HMBOX1: variants seen among roughly 807,000 people sequenced by gnomAD.
The protein encoded by HMBOX1 is homeobox-containing protein 1.
A neutral mutation model predicts 54.5 loss-of-function variants in HMBOX1; 14 were observed. The observed-to-expected ratio is 0.26, with a 90% CI of 0.17 to 0.40. The LOEUF is 0.40. Ranked by LOEUF, HMBOX1 falls within the 10% of genes least tolerant of loss-of-function variation. HMBOX1 has a pLI of 1.00. For missense variants in HMBOX1, 332 were observed against 514.4 expected (o/e 0.65, Z 3.43); for synonymous variants, 160 against 181.0 (o/e 0.88, Z 0.93).
At chr8:28,913,961 C>T (rs1186964682) in intron 1 of HMBOX1, among the ~76,000 whole-genome samples, 1 of 151,334 alleles carries the variant, frequency 6.6e-6, no homozygotes, top group South Asian at 2.1e-4. Flanking sequence ...ACCTGCATCT[C>T]CCAAATTCAA....
At chr8:29,049,388 C>G in intron 9 of HMBOX1, 1 of 1,533,702 alleles carries the variant, frequency 6.5e-7, no homozygotes. Context: ...GGATCTGATC[C>G]AAACAAGCAA....
intron 5 of HMBOX1, among the ~76,000 whole-genome samples, chr8:29,015,731 A>G (rs1834899293): frequency 6.6e-6 from 1 of 152,226 alleles, no homozygotes; most frequent in South Asian, 2.1e-4. Flanking sequence ...TAGAGCAGAA[A>G]TGTTTTTAAA....
At chr8:29,028,759 C>G (rs1470704005) in intron 6 of HMBOX1, among the ~76,000 whole-genome samples, 1 of 152,174 alleles carries the variant, frequency 6.6e-6, no homozygotes, top group African/African-American at 2.4e-5. Context: ...GTAATACTTT[C>G]ATATGTGTAA....
At chr8:28,899,982 G>A (rs1244064196) in intron 1 of HMBOX1, among the ~76,000 whole-genome samples, 1 of 151,992 alleles carries the variant, frequency 6.6e-6, no homozygotes, top group Non-Finnish European at 1.5e-5. Context: ...TGGGCGCAGT[G>A]GCTCACACCT....
intron 3 of HMBOX1, among the ~76,000 whole-genome samples, chr8:28,971,459 G>A (rs1385805506): frequency 2.6e-5 from 4 of 152,120 alleles, no homozygotes; most frequent in African/African-American, 4.8e-5. Flanking sequence ...ACACTTTGAG[G>A]GTAACAGCAT....
At chr8:29,007,497 C>A (rs1052321729) in intron 4 of HMBOX1, among the ~76,000 whole-genome samples, 3 of 151,908 alleles carry the variant, frequency 2.0e-5, no homozygotes, top group Non-Finnish European at 2.9e-5. Context: ...GTTTGGAAAG[C>A]TGTTTGAATT....
intron 2 of HMBOX1, among the ~76,000 whole-genome samples, chr8:28,967,535 A>G (rs1023211953): frequency 6.6e-6 from 1 of 152,238 alleles, no homozygotes; most frequent in African/African-American, 2.4e-5. Flanking sequence ...CTGTATATAG[A>G]TAACTAACTG....
chr8:28,979,056 A>G lies in HMBOX1; in HGVS notation c.501-1015A>G, dbSNP rs576478872. On this transcript the variant is annotated intron_variant, in intron 3 of 9. Coordinates refer to ENST00000287701, the MANE Select transcript of HMBOX1 (RefSeq NM_001135726.3). The stretch of plus-strand genomic sequence containing the variant: ...ATGATCCTTAGCTCATAGGTTGTAT[A>G]AAAATAGGTGGCAGGCTAGAATTAG... 1.4e-4 allele frequency among the ~76,000 whole-genome samples: 21 copies of G among 152,328 alleles called. No homozygotes were observed. The South Asian group carries it at 4.3e-3, about 32-fold the overall frequency.
At chr8:29,037,432 A>G (rs1218579057) in intron 6 of HMBOX1, among the ~76,000 whole-genome samples, 1 of 152,200 alleles carries the variant, frequency 6.6e-6, no homozygotes, top group African/African-American at 2.4e-5. Flanking sequence ...TCCAAATTAT[A>G]AAATTAGCAC....
intron 5 of HMBOX1, among the ~76,000 whole-genome samples, chr8:29,017,026 C>T (rs1001042593): frequency 3.3e-5 from 5 of 152,308 alleles, no homozygotes; most frequent in Non-Finnish European, 5.9e-5. Context: ...GACTGAATGT[C>T]TGAGGCCTTG....
At chr8:28,949,275 C>T (rs2132104940) in intron 1 of HMBOX1, among the ~76,000 whole-genome samples, 1 of 152,194 alleles carries the variant, frequency 6.6e-6, no homozygotes, top group Non-Finnish European at 1.5e-5. Context: ...GATCTGGATT[C>T]TCAGTCTGGT....
At chr8:29,002,903 T>A (rs574892236) in intron 4 of HMBOX1, among the ~76,000 whole-genome samples, 1 of 152,280 alleles carries the variant, frequency 6.6e-6, no homozygotes, top group East Asian at 1.9e-4. Context: ...AAAATTCGCT[T>A]TTCTCTTAAT....
intron 6 of HMBOX1, among the ~76,000 whole-genome samples, chr8:29,034,041 T>G (rs1420469031): frequency 6.6e-6 from 1 of 152,250 alleles, no homozygotes; most frequent in African/African-American, 2.4e-5. Flanking sequence ...AAGACAAATG[T>G]GGTTCTGGCC....
intron 2 of HMBOX1, among the ~76,000 whole-genome samples, chr8:28,969,403 A>G (rs1827006012): frequency 6.6e-6 from 1 of 152,140 alleles, no homozygotes; most frequent in Admixed American, 6.6e-5. Context: ...ATTAAGAGAG[A>G]ATGCATTACC....
At chr8:28,992,982 C>T (rs1484337301) in intron 4 of HMBOX1, among the ~76,000 whole-genome samples, 1 of 149,802 alleles carries the variant, frequency 6.7e-6, no homozygotes, top group Non-Finnish European at 1.5e-5. Context: ...ACAGTTTCTT[C>T]AGAAATTTTA....
intron 4 of HMBOX1, among the ~76,000 whole-genome samples, chr8:28,981,831 T>C (rs528963233): frequency 5.3e-5 from 8 of 152,344 alleles, no homozygotes; most frequent in Non-Finnish European, 1.2e-4. Context: ...AATATAGTAT[T>C]GCCTTTTTTG....
chr8:28,977,114 A>G (rs1828533676), intron 3 of HMBOX1, among the ~76,000 whole-genome samples: 1 of 152,186 alleles, frequency 6.6e-6, no homozygotes, highest in South Asian at 2.1e-4. Flanking sequence ...TGTTTTGTGC[A>G]GTCCTTAATA....
intron 6 of HMBOX1, among the ~76,000 whole-genome samples, chr8:29,031,305 A>G (rs541993249): frequency 6.6e-5 from 10 of 152,210 alleles, no homozygotes; most frequent in Non-Finnish European, 1.0e-4. Flanking sequence ...CTTTGTAGCA[A>G]GTGGCTAAGT....
intron 2 of HMBOX1, among the ~76,000 whole-genome samples, chr8:28,965,445 A>G (rs1826271570): frequency 6.6e-6 from 1 of 152,238 alleles, no homozygotes; most frequent in Non-Finnish European, 1.5e-5. Context: ...TTCACAGGGA[A>G]TACACTCAAT....
Sources: gnomAD v4.1 joint callset for allele counts (sites outside exome capture counted in the v4.1 genomes callset) on GRCh38, gnomAD v4.1.1 for gene constraint, MANE v1.5 for transcripts, NCBI Gene and HGNC (gene_info 2026-07-23, HGNC 2026-07-21) for gene names.